Variants in DAAM1 observed in about 807,000 individuals in gnomAD.
DAAM1 encodes the protein disheveled-associated activator of morphogenesis 1.
A neutral mutation model predicts 130.0 loss-of-function variants in DAAM1; 52 were observed. The observed-to-expected ratio is 0.40, with a 90% CI of 0.32 to 0.50. The LOEUF (loss-of-function observed/expected upper bound fraction) is 0.50, where lower values mean the gene tolerates loss of function less well. Among genes scored for constraint, DAAM1 ranks in the 20% least tolerant of loss-of-function variants. DAAM1 has a pLI of 0.61. For synonymous variants in DAAM1, 452 were observed against 444.5 expected, an observed-to-expected ratio of 1.02 and a Z score of -0.21; for missense variants, 1,134 against 1,303.8, an observed-to-expected ratio of 0.87 and a Z score of 2.01.
chr14:59,206,406 G>T (rs1888261515), intron 1 of DAAM1, among the ~76,000 whole-genome samples: 1 of 152,110 alleles, frequency 6.6e-6, no homozygotes, highest in Non-Finnish European at 1.5e-5. Context: ...CTCCTGTATA[G>T]CTGGGACTAC....
chr14:59,254,802 G>T (rs1881799735), intron 1 of DAAM1, among the ~76,000 whole-genome samples: 2 of 152,204 alleles, frequency 1.3e-5, no homozygotes, highest in African/African-American at 4.8e-5. Flanking sequence ...ACACAGAACA[G>T]TTGTTGCCAG....
At chr14:59,244,919 C>T (rs551320517) in intron 1 of DAAM1, among the ~76,000 whole-genome samples, 1 of 152,230 alleles carries the variant, frequency 6.6e-6, no homozygotes, top group South Asian at 2.1e-4. Context: ...TTAGCAAGAA[C>T]ATTTGTCACA....
intron 8 of DAAM1, 72 bp from the exon 9 acceptor site, chr14:59,325,592 A>T: frequency 7.7e-7 from 1 of 1,291,336 alleles, no homozygotes; most frequent in Non-Finnish European, 1.1e-6. Context: ...CCATGATATT[A>T]ATGTCCTCAG....
chr14:59,322,392 C>T (rs976385690), intron 5 of DAAM1, among the ~76,000 whole-genome samples: 1 of 151,572 alleles, frequency 6.6e-6, no homozygotes, highest in African/African-American at 2.4e-5. Context: ...AATGGTGGCA[C>T]GCACCTGTAG....
chr14:59,315,195 T>A, intron 3 of DAAM1, 85 bp from the exon 4 acceptor site: 1 of 1,203,558 alleles, frequency 8.3e-7, no homozygotes, highest in Non-Finnish European at 1.2e-6. Context: ...TGGGTCATTG[T>A]CTGGGTGCTC....
intron 1 of DAAM1, among the ~76,000 whole-genome samples, chr14:59,240,984 A>T (rs891952235): frequency 2.0e-5 from 3 of 152,248 alleles, no homozygotes; most frequent in Admixed American, 1.3e-4. Context: ...GTTCCCAAAG[A>T]CAGATACAGC....
In DAAM1 at chr14:59,320,538, A is replaced by G; in HGVS notation, c.394A>G (p.Lys132Glu). 6.2e-7 allele frequency: 1 copy of G among 1,607,154 alleles called. No individual in the cohort carries two copies. Among genetic ancestry groups the G allele is most frequent in the Non-Finnish European group, 8.5e-7 (1 of 1,177,802 alleles). Residue 132 changes from lysine to glutamate, a missense_variant, in exon 5 of 25, where the codon AAA (lysine) becomes GAA (glutamate). Transcript: ENST00000360909. The stretch of plus-strand genomic sequence containing the variant: ...GAAGGAAGAAGAAGAAGAAAGAAGT[A>G]AAACTATAGAGAGTTTAAAGACAGC... Reference protein sequence around the residue: ...LEKEEEEERSKTIESLKTALR... With the variant: ...LEKEEEEERSETIESLKTALR...
chr14:59,368,526 G>A (rs1172969738), intron 24 of DAAM1, 124 bp from the exon 25 acceptor site: 12 of 961,290 alleles, frequency 1.2e-5, no homozygotes, highest in Admixed American at 8.4e-5. Flanking sequence ...TATCCAAAGG[G>A]GGTTATAGGA....
intron 21 of DAAM1, 65 bp downstream of exon 21, chr14:59,359,569 G>T: frequency 1.6e-6 from 2 of 1,229,952 alleles, no homozygotes; most frequent in South Asian, 1.3e-5. Flanking sequence ...CATTGAGGTA[G>T]TTTGCACTGC....
chr14:59,219,671 T>C (rs1430855609), intron 1 of DAAM1, among the ~76,000 whole-genome samples: 1 of 152,198 alleles, frequency 6.6e-6, no homozygotes, highest in African/African-American at 2.4e-5. Flanking sequence ...TTAGGTATAG[T>C]CAAGACTTAG....
At chr14:59,209,405 G>T (rs1888360954) in intron 1 of DAAM1, among the ~76,000 whole-genome samples, 1 of 152,088 alleles carries the variant, frequency 6.6e-6, no homozygotes, top group Non-Finnish European at 1.5e-5. Context: ...TGAAACAAAA[G>T]GTGCGTAATT....
At chr14:59,345,600 C>T (rs1332378746) in intron 16 of DAAM1, among the ~76,000 whole-genome samples, 1 of 152,122 alleles carries the variant, frequency 6.6e-6, no homozygotes, top group African/African-American at 2.4e-5. Flanking sequence ...AAAGACAAGC[C>T]AGAGGCATCC....
intron 12 of DAAM1, among the ~76,000 whole-genome samples, chr14:59,329,295 G>C (rs1885330053): frequency 3.9e-5 from 6 of 152,174 alleles, no homozygotes; most frequent in Admixed American, 3.9e-4. Flanking sequence ...TCCTGAAATT[G>C]TGAAAGAAGA....
chr14:59,196,943 C>T (rs1054217935), intron 1 of DAAM1, among the ~76,000 whole-genome samples: 3 of 151,918 alleles, frequency 2.0e-5, no homozygotes, highest in East Asian at 3.9e-4. Flanking sequence ...TTTTTTGAGA[C>T]GGAGTCTCGC....
At chr14:59,366,938 T>C (rs1194851521) in intron 23 of DAAM1, among the ~76,000 whole-genome samples, 2 of 146,728 alleles carry the variant, frequency 1.4e-5, no homozygotes, top group Admixed American at 6.8e-5. Context: ...AAAAAACTAA[T>C]AACATATGCA....
chr14:59,368,718 G>A lies in DAAM1; in HGVS notation c.3066G>A (p.Glu1022=), dbSNP rs1483500875. ...AAGAGAATAGTGAAGAAAGCGGAGA[G>A]TTTGATGACCTTGTTTCAGCTTTAC... ...KAKENSEESG[E]FDDLVSALRS... The change falls in exon 25 of 25, where the codon GAG becomes GAA. Residue 1022 remains glutamate, a synonymous_variant. Transcript: ENST00000360909. 44 of 1,613,832 alleles carry A rather than the reference G, an allele frequency of 2.7e-5. No individual in the cohort carries two copies. Among genetic ancestry groups the A allele is most frequent in the Non-Finnish European group, 3.6e-5 (42 of 1,179,920 alleles).
At chr14:59,207,551 G>A (rs1435096384) in intron 1 of DAAM1, among the ~76,000 whole-genome samples, 2 of 152,184 alleles carry the variant, frequency 1.3e-5, no homozygotes, top group Non-Finnish European at 2.9e-5. Flanking sequence ...CCTATTTCAT[G>A]TTATGTGAAT....
chr14:59,320,451 A>T, intron 4 of DAAM1, 39 bp from the exon 5 acceptor site: 1 of 1,530,742 alleles, frequency 6.5e-7, no homozygotes, highest in Non-Finnish European at 8.9e-7. Context: ...TAATTAAAAA[A>T]TAGAATTTGA....
At chr14:59,218,006 G>C (rs1174555713) in intron 1 of DAAM1, among the ~76,000 whole-genome samples, 1 of 151,762 alleles carries the variant, frequency 6.6e-6, no homozygotes, top group Non-Finnish European at 1.5e-5. Flanking sequence ...ACTGGCATGT[G>C]CATGTAGTCC....
Sources: allele counts gnomAD v4.1 joint callset (sites outside exome capture counted in the v4.1 genomes callset), GRCh38; gene constraint gnomAD v4.1.1; transcripts MANE v1.5; gene names NCBI Gene and HGNC (gene_info 2026-07-23, HGNC 2026-07-21).